LRRC7: variants seen among roughly 807,000 people sequenced by gnomAD.
LRRC7 encodes leucine-rich repeat-containing protein 7.
LRRC7 carries 23 observed loss-of-function variants against 175.7 expected under a neutral mutation model. That is an observed-to-expected ratio of 0.13 (90% CI 0.09 to 0.19). The LOEUF (loss-of-function observed/expected upper bound fraction) is 0.19. Ranked by LOEUF, LRRC7 falls within the 10% of genes least tolerant of loss-of-function variation. The pLI is 1.00. For missense variants in LRRC7, 1,354 were observed against 1,904.7 expected, an observed-to-expected ratio of 0.71 and a Z score of 5.38; for synonymous variants, 685 against 680.9, an observed-to-expected ratio of 1.01 and a Z score of -0.09.
At position 70,123,834 on chromosome 1, in the gene LRRC7, T is replaced by A. The variant is rs1666320828; in HGVS notation, c.*1947T>A. ...CCTTTACTGGCCTCATAAGATCACT[T>A]AAAGAAAAAAAACTCATGGCTGTAG... On this transcript the variant is annotated 3_prime_UTR_variant, in exon 27 of 27. Transcript: ENST00000651989. Among the ~76,000 whole-genome samples, 3 of 152,068 alleles carry A rather than the reference T, an allele frequency of 2.0e-5. No individual in the cohort carries two copies. Among genetic ancestry groups the A allele is most frequent in the Admixed American group, 6.5e-5 (1 of 15,268 alleles).
intron 18 of LRRC7, among the ~76,000 whole-genome samples, chr1:70,030,124 T>C (rs1469564495): frequency 6.6e-6 from 1 of 152,122 alleles, no homozygotes; most frequent in Non-Finnish European, 1.5e-5. Context: ...TGTCCTGCAT[T>C]ACTATAAAAA....
chr1:70,072,776 C>G (rs1216683407), intron 23 of LRRC7, among the ~76,000 whole-genome samples: 1 of 152,198 alleles, frequency 6.6e-6, no homozygotes, highest in Admixed American at 6.5e-5. Flanking sequence ...ACATGCACAG[C>G]ATCTAAAACA....
At chr1:69,858,936 CTT>C (rs990795856) in intron 7 of LRRC7, among the ~76,000 whole-genome samples, 1 of 152,044 alleles carries the variant, frequency 6.6e-6, no homozygotes, top group Non-Finnish European at 1.5e-5. Context: ...AACAGGAAGA[CTT>C]AACAATTGCA....
chr1:70,069,472 A>G (rs1571232623), intron 23 of LRRC7, among the ~76,000 whole-genome samples: 1 of 152,132 alleles, frequency 6.6e-6, no homozygotes, highest in South Asian at 2.1e-4. Flanking sequence ...ACAATTCAAG[A>G]TGAGATTTTG....
chr1:69,692,408 C>T (rs1245051524), intron 2 of LRRC7, among the ~76,000 whole-genome samples: 1 of 152,164 alleles, frequency 6.6e-6, no homozygotes, highest in African/African-American at 2.4e-5. Context: ...TCCCTAAAGT[C>T]TTTATCTCTT....
At chr1:69,842,540 G>A (rs1681844662) in intron 7 of LRRC7, among the ~76,000 whole-genome samples, 1 of 152,124 alleles carries the variant, frequency 6.6e-6, no homozygotes, top group South Asian at 2.1e-4. Context: ...CATATACACT[G>A]ACTAAGAGAG....
At chr1:69,897,034 T>C (rs942657587) in intron 7 of LRRC7, among the ~76,000 whole-genome samples, 12 of 152,186 alleles carry the variant, frequency 7.9e-5, no homozygotes, top group African/African-American at 2.9e-4. Flanking sequence ...ATTTTTCCAA[T>C]GATAATAAGT....
intron 23 of LRRC7, among the ~76,000 whole-genome samples, chr1:70,069,240 C>T (rs1662203447): frequency 6.6e-6 from 1 of 152,140 alleles, no homozygotes. Context: ...AGGAAACTTA[C>T]AATCATGGCG....
chr1:69,956,800 T>A (rs1171379831), intron 8 of LRRC7, among the ~76,000 whole-genome samples: 9 of 151,622 alleles, frequency 5.9e-5, no homozygotes, highest in Admixed American at 5.9e-4. Flanking sequence ...GAATAACTCA[T>A]TTTCCACTTA....
chr1:70,036,724 A>C, intron 20 of LRRC7, 100 bp downstream of exon 20: 1 of 1,297,656 alleles, frequency 7.7e-7, no homozygotes, highest in East Asian at 2.3e-5. Flanking sequence ...TCGGCACACA[A>C]GTGGCATAGA....
chr1:69,856,084 G>T (rs1683579602), intron 7 of LRRC7, among the ~76,000 whole-genome samples: 2 of 152,076 alleles, frequency 1.3e-5, no homozygotes, highest in African/African-American at 4.8e-5. Flanking sequence ...TATCCAATTT[G>T]CCAGTCTGTG....
chr1:69,977,858 C>T (rs998029262), intron 8 of LRRC7, among the ~76,000 whole-genome samples: 1 of 152,116 alleles, frequency 6.6e-6, no homozygotes, highest in Non-Finnish European at 1.5e-5. Context: ...ACTGAGATTT[C>T]AGGGTTAATT....
chr1:70,078,651 T>C (rs1202424736), intron 24 of LRRC7, among the ~76,000 whole-genome samples: 1 of 152,236 alleles, frequency 6.6e-6, no homozygotes, highest in Non-Finnish European at 1.5e-5. Context: ...TTCATGTTTA[T>C]GTTTATTAGC....
At chr1:70,093,630 G>A (rs1664184167) in intron 25 of LRRC7, among the ~76,000 whole-genome samples, 1 of 152,024 alleles carries the variant, frequency 6.6e-6, no homozygotes, top group Non-Finnish European at 1.5e-5. Context: ...ATTAGTCATA[G>A]TCTAGATATT....
At chr1:69,611,754 G>A (rs769046130) in intron 1 of LRRC7, among the ~76,000 whole-genome samples, 3 of 151,982 alleles carry the variant, frequency 2.0e-5, no homozygotes, top group Non-Finnish European at 4.4e-5. Context: ...GTTTTCAACA[G>A]TGGAATCTCC....
chr1:69,692,315 T>C (rs1287378346), intron 2 of LRRC7, among the ~76,000 whole-genome samples: 2 of 152,174 alleles, frequency 1.3e-5, no homozygotes, highest in Non-Finnish European at 2.9e-5. Flanking sequence ...GAGTTAGAAA[T>C]GATATAAGAA....
chr1:70,016,803 T>A (rs1657000347), intron 14 of LRRC7, among the ~76,000 whole-genome samples: 1 of 152,150 alleles, frequency 6.6e-6, no homozygotes, highest in South Asian at 2.1e-4. Flanking sequence ...TTTTATAGCT[T>A]TTTAACTTCT....
intron 1 of LRRC7, among the ~76,000 whole-genome samples, chr1:69,648,414 T>C (rs530859084): frequency 1.3e-5 from 2 of 152,224 alleles, no homozygotes; most frequent in Admixed American, 1.3e-4. Context: ...CTATTAATCC[T>C]GAAAACCAAT....
intron 8 of LRRC7, among the ~76,000 whole-genome samples, chr1:69,933,973 G>A (rs1647673623): frequency 6.6e-6 from 1 of 152,108 alleles, no homozygotes. Context: ...ATTTGGTAGT[G>A]CTTAAGTATT....
Sources: allele counts gnomAD v4.1 joint callset (sites outside exome capture counted in the v4.1 genomes callset), GRCh38; gene constraint gnomAD v4.1.1; transcripts MANE v1.5; gene names NCBI Gene and HGNC (gene_info 2026-07-23, HGNC 2026-07-21).